The following MYH15 variants were observed in gnomAD, a reference collection of about 807,000 sequenced individuals.
MYH15 encodes myosin heavy chain 15.
MYH15 carries 227 observed loss-of-function variants against 240.5 expected under a neutral mutation model. The observed-to-expected ratio is 0.94, with a 90% CI of 0.85 to 1.05. The LOEUF is 1.05. MYH15 is among the 50% of genes least tolerant of loss of function. The probability of loss-of-function intolerance (pLI) is 0.00; values close to 1 mark genes in which losing one functional copy is unlikely to be tolerated. For synonymous variants in MYH15, 785 were observed against 796.7 expected (o/e 0.99, Z 0.25); for missense variants, 2,217 against 2,247.5 (o/e 0.99, Z 0.27).
At chr3:108,516,722 T>C (rs1341871558) in intron 1 of MYH15, among the ~76,000 whole-genome samples, 3 of 152,222 alleles carry the variant, frequency 2.0e-5, no homozygotes, top group African/African-American at 7.2e-5. Flanking sequence ...TGCAATTTAT[T>C]TATTTATACG....
At chr3:108,513,568 C>A (rs2083536748), upstream of MYH15, among the ~76,000 whole-genome samples, 1 of 152,136 alleles carries the variant, frequency 6.6e-6, no homozygotes, top group Non-Finnish European at 1.5e-5. Context: ...TACAATTCAT[C>A]ACCCAAACCT....
intron 11 of MYH15, among the ~76,000 whole-genome samples, chr3:108,478,575 A>G (rs982347411): frequency 7.7e-5 from 11 of 143,258 alleles, no homozygotes; most frequent in Non-Finnish European, 9.2e-5. Flanking sequence ...ATCCAATGTG[A>G]AAATATTTAA....
At chr3:108,412,109 T>G (rs371683125) in intron 30 of MYH15, among the ~76,000 whole-genome samples, 1 of 152,236 alleles carries the variant, frequency 6.6e-6, no homozygotes, top group African/African-American at 2.4e-5. Flanking sequence ...CTGATCATAC[T>G]GGACTGCCTG....
intron 5 of MYH15, 58 bp downstream of exon 5, chr3:108,499,397 T>G: frequency 6.7e-7 from 1 of 1,502,026 alleles, no homozygotes; most frequent in Non-Finnish European, 9.3e-7. Flanking sequence ...GAAATGGAGG[T>G]ATCTATTTCA....
chr3:108,516,630 T>C (rs2083574697), intron 1 of MYH15, among the ~76,000 whole-genome samples: 1 of 152,190 alleles, frequency 6.6e-6, no homozygotes, highest in African/African-American at 2.4e-5. Flanking sequence ...GTGCCTTAAC[T>C]GAGCAAGGTT....
At chr3:108,404,499 A>G (rs1365128209) in intron 33 of MYH15, among the ~76,000 whole-genome samples, 1 of 152,190 alleles carries the variant, frequency 6.6e-6, no homozygotes, top group Non-Finnish European at 1.5e-5. Context: ...CAGCGTGTGA[A>G]GTGCTTTGCC....
intron 17 of MYH15, 99 bp from the exon 18 acceptor site, chr3:108,459,548 C>T (rs2107580322): frequency 1.5e-6 from 1 of 647,606 alleles, no homozygotes; most frequent in Non-Finnish European, 2.6e-6. Context: ...CTTAATCTCA[C>T]AGCCAAGATG....
chr3:108,390,388 T>C (rs1160101696), intron 37 of MYH15, among the ~76,000 whole-genome samples: 1 of 152,176 alleles, frequency 6.6e-6, no homozygotes, highest in Non-Finnish European at 1.5e-5. Flanking sequence ...GCCATAATAG[T>C]GAACAAACAG....
intron 21 of MYH15, among the ~76,000 whole-genome samples, chr3:108,451,333 T>C (rs2082972052): frequency 1.3e-5 from 2 of 152,078 alleles, no homozygotes. Flanking sequence ...TGACCCGATA[T>C]CATGCCACTG....
intron 39 of MYH15, 106 bp downstream of exon 39, chr3:108,384,581 G>T: frequency 1.0e-6 from 1 of 989,004 alleles, no homozygotes; most frequent in Non-Finnish European, 1.5e-6. Flanking sequence ...TCTAAGCTGA[G>T]CAGGTCCTCT....
chr3:108,514,257 A>T (rs1395675672), upstream of MYH15, among the ~76,000 whole-genome samples: 1 of 152,226 alleles, frequency 6.6e-6, no homozygotes, highest in African/African-American at 2.4e-5. Context: ...GAAAAGTCCC[A>T]GGAAAACTAG....
chr3:108,397,284 A>C (rs1407107284), intron 35 of MYH15, among the ~76,000 whole-genome samples: 2 of 152,034 alleles, frequency 1.3e-5, no homozygotes, highest in Non-Finnish European at 2.9e-5. Context: ...TATCCACCGA[A>C]TACTCTAGCA....
chr3:108,388,860 A>C (rs1379001015), intron 38 of MYH15, 110 bp downstream of exon 38: 1 of 828,978 alleles, frequency 1.2e-6, no homozygotes, highest in Non-Finnish European at 1.9e-6. Flanking sequence ...AGGAGAACAA[A>C]GATGAAGAGA....
chr3:108,460,453 A>C (rs2083062921), intron 16 of MYH15, 86 bp from the exon 17 acceptor site: 1 of 1,028,746 alleles, frequency 9.7e-7, no homozygotes, highest in South Asian at 1.8e-5. Flanking sequence ...TGGAAGCATA[A>C]ATTCACCAGA....
chr3:108,542,522 T>G, the MYH15 span, among the ~76,000 whole-genome samples: 19 of 152,214 alleles, frequency 1.2e-4, no homozygotes, highest in Non-Finnish European at 2.1e-4. Flanking sequence ...TTAAATTTCC[T>G]CCATGTCTTC....
At chr3:108,473,582 T>C (rs1387456506) in intron 12 of MYH15, among the ~76,000 whole-genome samples, 5 of 152,194 alleles carry the variant, frequency 3.3e-5, no homozygotes, top group Non-Finnish European at 5.9e-5. Context: ...AGCTGTAAAA[T>C]AGAAATAACA....
chr3:108,452,496 A>G (rs565597433), intron 21 of MYH15, among the ~76,000 whole-genome samples: 43 of 152,258 alleles, frequency 2.8e-4, no homozygotes, highest in Non-Finnish European at 4.3e-4. Context: ...GTTAAAATCA[A>G]TAATCTAGCC....
At chr3:108,518,474 C>T (rs907399762) in intron 1 of MYH15, among the ~76,000 whole-genome samples, 1 of 152,144 alleles carries the variant, frequency 6.6e-6, no homozygotes, top group African/African-American at 2.4e-5. Context: ...CAGAATGAGG[C>T]CCCCAAGTAG....
intron 11 of MYH15, among the ~76,000 whole-genome samples, chr3:108,476,768 T>C (rs1003885388): frequency 3.9e-5 from 6 of 152,138 alleles, no homozygotes; most frequent in African/African-American, 1.4e-4. Flanking sequence ...AAAGAAAATA[T>C]AATGCCACTC....
Sources: gnomAD v4.1 joint callset for allele counts (sites outside exome capture counted in the v4.1 genomes callset) on GRCh38, gnomAD v4.1.1 for gene constraint, MANE v1.5 for transcripts, NCBI Gene and HGNC (gene_info 2026-07-23, HGNC 2026-07-21) for gene names.